RBFOX1: variants seen among roughly 807,000 people sequenced by gnomAD.
RBFOX1 encodes the protein RNA binding protein fox-1 homolog 1.
In RBFOX1, 8 loss-of-function variants were observed where a neutral mutation model predicts 57.7. That is an observed-to-expected ratio of 0.14 (90% CI 0.08 to 0.25). The LOEUF is 0.25. Among genes scored for constraint, RBFOX1 ranks in the 10% least tolerant of loss-of-function variants. The pLI, the probability that RBFOX1 is intolerant of heterozygous loss-of-function variation, is 1.00. For synonymous variants in RBFOX1, 326 were observed against 222.4 expected, an observed-to-expected ratio of 1.47 and a Z score of -4.15; for missense variants, 611 against 548.5, an observed-to-expected ratio of 1.11 and a Z score of -1.14.
chr16:5,365,728 G>A (rs2065694176), intron 1 of RBFOX1: 2 of 417,290 alleles, frequency 4.8e-6, no homozygotes, highest in Non-Finnish European at 9.2e-6. Flanking sequence ...CTGCATGGCT[G>A]TTCTCTTGAG....
chr16:6,720,168 G>C (rs1170391314), intron 3 of RBFOX1, among the ~76,000 whole-genome samples: 1 of 152,064 alleles, frequency 6.6e-6, no homozygotes, highest in Non-Finnish European at 1.5e-5. Context: ...ATCTGACACA[G>C]GGTAAGGATT....
At chr16:5,470,606 A>G (rs1272134551) in intron 2 of RBFOX1, among the ~76,000 whole-genome samples, 1 of 152,094 alleles carries the variant, frequency 6.6e-6, no homozygotes, top group Non-Finnish European at 1.5e-5. Context: ...ATGATAACCC[A>G]TCAGCCTAAA....
chr16:7,142,557 G>A (rs895315422), intron 4 of RBFOX1, among the ~76,000 whole-genome samples: 39 of 152,272 alleles, frequency 2.6e-4, no homozygotes, highest in African/African-American at 8.9e-4. Context: ...CTCTTTCTTA[G>A]CCATTGGGCT....
At chr16:7,300,222 C>A (rs1019149940) in intron 4 of RBFOX1, among the ~76,000 whole-genome samples, 1 of 151,984 alleles carries the variant, frequency 6.6e-6, no homozygotes, top group African/African-American at 2.4e-5. Context: ...GCTGCCCCTC[C>A]CCCACCCACT....
intron 3 of RBFOX1, among the ~76,000 whole-genome samples, chr16:5,735,838 T>C (rs1036165171): frequency 6.6e-6 from 1 of 152,118 alleles, no homozygotes; most frequent in Non-Finnish European, 1.5e-5. Flanking sequence ...ATGGCACCAC[T>C]GCACTCCAGC....
chr16:5,818,242 C>A (rs1037212174), intron 3 of RBFOX1, among the ~76,000 whole-genome samples: 1 of 152,086 alleles, frequency 6.6e-6, no homozygotes, highest in Non-Finnish European at 1.5e-5. Context: ...CATTGTGTAC[C>A]GTCATCAGTT....
intron 3 of RBFOX1, among the ~76,000 whole-genome samples, chr16:6,684,789 G>A (rs967276017): frequency 1.3e-5 from 2 of 152,184 alleles, no homozygotes; most frequent in African/African-American, 4.8e-5. Context: ...AAAGTTTGGA[G>A]GAAAAGAAAA....
At chr16:7,349,007 G>C (rs985275200) in intron 4 of RBFOX1, among the ~76,000 whole-genome samples, 2 of 152,138 alleles carry the variant, frequency 1.3e-5, no homozygotes, top group Non-Finnish European at 2.9e-5. Context: ...TGAGTAGGAG[G>C]CTTCTGCTTT....
chr16:6,244,297 C>T (rs1277327208), intron 1 of RBFOX1, among the ~76,000 whole-genome samples: 5 of 151,838 alleles, frequency 3.3e-5, no homozygotes, highest in African/African-American at 7.3e-5. Flanking sequence ...TTTTGTTTGG[C>T]GGTCAAGGCC....
chr16:5,956,678 A>ATTTATATATATATATATATATTTTTT (rs1555456300), intron 4 of RBFOX1, among the ~76,000 whole-genome samples: 3 of 116,506 alleles, frequency 2.6e-5, no homozygotes, highest in African/African-American at 1.0e-4. Flanking sequence ...ATATATATAT[A>ATTTATATATATATATATATATTTTTT]TTTTTTTTGA....
intron 14 of RBFOX1, among the ~76,000 whole-genome samples, chr16:7,685,963 C>T (rs542981500): frequency 6.6e-6 from 1 of 152,168 alleles, no homozygotes; most frequent in African/African-American, 2.4e-5. Context: ...AGGTTACTTA[C>T]TACACGAGAT....
At chr16:6,406,935 G>T (rs2093302393) in intron 2 of RBFOX1, among the ~76,000 whole-genome samples, 1 of 152,166 alleles carries the variant, frequency 6.6e-6, no homozygotes, top group South Asian at 2.1e-4. Context: ...ACAAAACTCT[G>T]CTGCCCATCG....
At chr16:6,011,800 A>G (rs2094962797) in intron 4 of RBFOX1, among the ~76,000 whole-genome samples, 1 of 152,036 alleles carries the variant, frequency 6.6e-6, no homozygotes, top group Admixed American at 6.5e-5. Flanking sequence ...CTTACTCTCC[A>G]AGTTGGAGAC....
chr16:5,721,795 C>T (rs963711557), intron 3 of RBFOX1, among the ~76,000 whole-genome samples: 2 of 152,168 alleles, frequency 1.3e-5, no homozygotes, highest in Admixed American at 6.5e-5. Context: ...CCTGTCACAA[C>T]CCTGCCTGTG....
chr16:6,676,582 G>C (rs541238762), intron 3 of RBFOX1, among the ~76,000 whole-genome samples: 8 of 151,458 alleles, frequency 5.3e-5, no homozygotes, highest in Non-Finnish European at 1.0e-4. Context: ...ATTTCGTATT[G>C]ATAGGACCAG....
chr16:6,566,062 T>A (rs913333926), intron 2 of RBFOX1, among the ~76,000 whole-genome samples: 2 of 152,240 alleles, frequency 1.3e-5, no homozygotes, highest in Admixed American at 6.5e-5. Flanking sequence ...CAAACAGAGT[T>A]AATTGCACAC....
At chr16:7,472,241 G>A (rs1295544535) in intron 4 of RBFOX1, among the ~76,000 whole-genome samples, 1 of 151,794 alleles carries the variant, frequency 6.6e-6, no homozygotes, top group Non-Finnish European at 1.5e-5. Context: ...TTCTCCTTTA[G>A]GATAAAAGGT....
intron 11 of RBFOX1, among the ~76,000 whole-genome samples, chr16:7,634,821 G>T (rs111372450): frequency 6.6e-6 from 1 of 152,196 alleles, no homozygotes; most frequent in African/African-American, 2.4e-5. Flanking sequence ...CTCTCATCCA[G>T]AGTGTAAAAT....
chr16:5,883,578 C>T (rs1043903714), intron 4 of RBFOX1, among the ~76,000 whole-genome samples: 1 of 152,108 alleles, frequency 6.6e-6, no homozygotes. Context: ...AATTTGAACA[C>T]ACATGTCTCT....
Sources: allele counts gnomAD v4.1 joint callset (sites outside exome capture counted in the v4.1 genomes callset), GRCh38; gene constraint gnomAD v4.1.1; transcripts MANE v1.5; gene names NCBI Gene and HGNC (gene_info 2026-07-23, HGNC 2026-07-21).